Variants in ARID1B observed in about 807,000 individuals in gnomAD.
ARID1B encodes the protein AT-rich interaction domain 1B.
Under a neutral mutation model 212.3 loss-of-function variants are expected in ARID1B, and 30 were observed. That is an observed-to-expected ratio of 0.14 (90% CI 0.11 to 0.19). The LOEUF is 0.19. Among genes scored for constraint, ARID1B ranks in the 10% least tolerant of loss-of-function variants. The pLI is 1.00. For missense variants in ARID1B, 2,891 were observed against 3,204.0 expected (o/e 0.90, Z 2.36); for synonymous variants, 1,402 against 1,301.7 (o/e 1.08, Z -1.66).
intron 4 of ARID1B, among the ~76,000 whole-genome samples, chr6:156,979,081 T>G (rs886337577): frequency 6.6e-6 from 1 of 152,240 alleles, no homozygotes; most frequent in South Asian, 2.1e-4. Context: ...GCGCTAGTAG[T>G]GCTGATAAAG....
At chr6:156,908,266 G>C (rs1042223135) in intron 3 of ARID1B, among the ~76,000 whole-genome samples, 1 of 152,024 alleles carries the variant, frequency 6.6e-6, no homozygotes, top group African/African-American at 2.4e-5. Context: ...ATTTCTTCTT[G>C]TGTGAGTATT....
chr6:157,012,687 T>C (rs1280415143), intron 4 of ARID1B, among the ~76,000 whole-genome samples: 2 of 152,218 alleles, frequency 1.3e-5, no homozygotes, highest in African/African-American at 4.8e-5. Flanking sequence ...TAGACAGTCA[T>C]TTATCCTATT....
intron 2 of ARID1B, among the ~76,000 whole-genome samples, chr6:156,847,548 G>A (rs1784312924): frequency 6.6e-6 from 1 of 152,188 alleles, no homozygotes; most frequent in South Asian, 2.1e-4. Context: ...AGAGAGGAGA[G>A]TCCAGCTGAG....
chr6:157,098,892 TC>T (rs1350349137), intron 5 of ARID1B, among the ~76,000 whole-genome samples: 1 of 152,224 alleles, frequency 6.6e-6, no homozygotes, highest in Admixed American at 6.5e-5. Context: ...CACTTAGCAG[TC>T]ATCCAGACTA....
intron 4 of ARID1B, among the ~76,000 whole-genome samples, chr6:157,021,605 T>C (rs2281392): frequency 0.28 from 42,130 of 152,052 alleles, 6,261 homozygotes; most frequent in Non-Finnish European, 0.32. Flanking sequence ...AGGCTCGGAC[T>C]CCTCCGACGG....
chr6:156,931,666 A>T (rs9480406), intron 3 of ARID1B, among the ~76,000 whole-genome samples: 11,233 of 152,150 alleles, frequency 0.074, 460 homozygotes, highest in African/African-American at 0.081. Context: ...AAATATTAAA[A>T]AAATAAATAA....
intron 4 of ARID1B, among the ~76,000 whole-genome samples, chr6:157,076,739 T>C (rs1350698339): frequency 6.6e-6 from 1 of 152,200 alleles, no homozygotes; most frequent in East Asian, 1.9e-4. Context: ...CTGAATCTTA[T>C]ATATTTACAG....
intron 4 of ARID1B, among the ~76,000 whole-genome samples, chr6:157,050,177 C>G (rs1190922650): frequency 6.6e-6 from 1 of 152,132 alleles, no homozygotes; most frequent in Admixed American, 6.6e-5. Flanking sequence ...AGGAGCTCCA[C>G]TTTGTATATC....
intron 2 of ARID1B, among the ~76,000 whole-genome samples, chr6:156,842,533 C>T (rs1783970349): frequency 6.6e-6 from 1 of 152,120 alleles, no homozygotes; most frequent in Non-Finnish European, 1.5e-5. Flanking sequence ...TGGGTTGTTT[C>T]CACCTTTTAG....
chr6:157,017,951 A>C (rs1780002278), intron 4 of ARID1B, among the ~76,000 whole-genome samples: 1 of 128,240 alleles, frequency 7.8e-6, no homozygotes, highest in African/African-American at 2.9e-5. Context: ...GCAACATGAG[A>C]CACCATCTCT....
At chr6:157,188,701 T>C (rs1793149199) in intron 13 of ARID1B, among the ~76,000 whole-genome samples, 1 of 152,208 alleles carries the variant, frequency 6.6e-6, no homozygotes, top group Non-Finnish European at 1.5e-5. Flanking sequence ...CACTGGTGTA[T>C]GTGAGCATAG....
intron 4 of ARID1B, chr6:156,941,946 C>A (rs1469683076): frequency 6.6e-6 from 1 of 152,178 alleles, no homozygotes; most frequent in Non-Finnish European, 1.5e-5. Flanking sequence ...CTGAATTCGT[C>A]ATAGCTGAGA....
chr6:157,151,283 C>T (rs1013843223), intron 8 of ARID1B: 4 of 152,178 alleles, frequency 2.6e-5, no homozygotes, highest in African/African-American at 9.7e-5. Flanking sequence ...CCTGCTGCTA[C>T]AGTGAGCGGC....
intron 6 of ARID1B, among the ~76,000 whole-genome samples, chr6:157,132,408 A>G (rs1788613193): frequency 6.6e-6 from 1 of 152,226 alleles, no homozygotes; most frequent in Admixed American, 6.5e-5. Context: ...GCGCAGCAGA[A>G]TACAGCGCAA....
At chr6:157,099,219 A>G (rs1191713424) in intron 5 of ARID1B, among the ~76,000 whole-genome samples, 2 of 152,184 alleles carry the variant, frequency 1.3e-5, no homozygotes, top group Admixed American at 6.5e-5. Flanking sequence ...AAGTGCTGGG[A>G]TTACAAGCGT....
intron 2 of ARID1B, among the ~76,000 whole-genome samples, chr6:156,861,053 G>A (rs1785297590): frequency 6.6e-6 from 1 of 152,188 alleles, no homozygotes; most frequent in African/African-American, 2.4e-5. Context: ...CTTGTACACT[G>A]TGGTCGTTAG....
Position 156,867,730 on chromosome 6 carries a change from A to G in ARID1B, c.1987-33646A>G, listed in dbSNP as rs548531505. Among the ~76,000 whole-genome samples the G allele has an allele frequency of 2.6e-5, 4 of 152,320 alleles. No individual in the cohort carries two copies. In the East Asian group the frequency reaches 7.7e-4, roughly 29 times the overall value. On this transcript the variant is annotated intron_variant, in intron 2 of 19. Transcript: ENST00000636930. ...ATATACTTCTGGTGTGACTTTTAAA[A>G]AATGTCATTTTACCTTAGAAGTGGT... is the stretch of plus-strand genomic sequence containing the variant.
At chr6:157,002,672 C>T (rs1312326325) in intron 4 of ARID1B, among the ~76,000 whole-genome samples, 1 of 152,170 alleles carries the variant, frequency 6.6e-6, no homozygotes, top group East Asian at 1.9e-4. Context: ...TTAATTTAGT[C>T]TGCCTGAAAC....
chr6:156,899,657 A>G (rs1435343915), intron 2 of ARID1B, among the ~76,000 whole-genome samples: 2 of 152,140 alleles, frequency 1.3e-5, no homozygotes, highest in Non-Finnish European at 2.9e-5. Context: ...CTAGGTAGTA[A>G]AAAATTCTAG....
Sources: allele counts gnomAD v4.1 joint callset (sites outside exome capture counted in the v4.1 genomes callset), GRCh38; gene constraint gnomAD v4.1.1; transcripts MANE v1.5; gene names NCBI Gene and HGNC (gene_info 2026-07-23, HGNC 2026-07-21).